The following POT1 variants were observed in gnomAD, a reference collection of about 807,000 sequenced individuals.
POT1 encodes protection of telomeres protein 1.
A neutral mutation model predicts 78.5 loss-of-function variants in POT1; 47 were observed. The observed-to-expected ratio is 0.60, with a 90% CI of 0.47 to 0.76. POT1 has a LOEUF of 0.76. POT1 is among the 30% of genes least tolerant of loss of function. POT1 has a pLI of 0.00. For synonymous variants in POT1, 259 were observed against 260.7 expected (o/e 0.99, Z 0.06); for missense variants, 646 against 749.9 (o/e 0.86, Z 1.62).
intron 7 of POT1, among the ~76,000 whole-genome samples, chr7:124,870,638 G>A (rs962792803): frequency 6.6e-6 from 1 of 152,036 alleles, no homozygotes; most frequent in Non-Finnish European, 1.5e-5. Context: ...TATAGCATTA[G>A]TCTGTATTTA....
At chr7:124,858,765 GCT>G in intron 9 of POT1, 190 bp downstream of exon 9, 1 of 386,964 alleles carries the variant, frequency 2.6e-6, no homozygotes. Flanking sequence ...TTTAAAAATT[GCT>G]CTAACCCATT....
chr7:124,823,649 T>G lies in POT1; in HGVS notation c.*313A>C, dbSNP rs929687901. On this transcript the variant is annotated 3_prime_UTR_variant, in exon 19 of 19. Transcript: ENST00000357628. ...TGAATTTATCCTAAAATCATCAGTA[T>G]CAGCACCCCAACAAAGCAACTTTGC... 1.2e-5 allele frequency: 3 copies of G among 245,686 alleles called. No homozygotes were observed. The highest frequency in any genetic ancestry group is 2.3e-5 in the Non-Finnish European group (3 of 129,774). 15.2% of individuals were successfully genotyped at this position (245,686 alleles called of 1,614,324 possible).
At chr7:124,863,225 G>C in intron 8 of POT1, 125 bp downstream of exon 8, 2 of 928,122 alleles carry the variant, frequency 2.2e-6, no homozygotes, top group East Asian at 2.6e-5. Flanking sequence ...GTCAAAAATA[G>C]TTAAAATTTA....
chr7:124,887,556 T>C (rs1338228401), intron 6 of POT1, among the ~76,000 whole-genome samples: 1 of 152,108 alleles, frequency 6.6e-6, no homozygotes, highest in African/African-American at 2.4e-5. Flanking sequence ...AATGGTTTTG[T>C]AATATGAAGT....
chr7:124,867,883 C>A (rs1795770197), intron 7 of POT1, among the ~76,000 whole-genome samples: 1 of 151,946 alleles, frequency 6.6e-6, no homozygotes, highest in African/African-American at 2.4e-5. Context: ...CCTGACCTTG[C>A]AATCTTCCCA....
At chr7:124,846,069 G>A (rs1474992473) in intron 12 of POT1, among the ~76,000 whole-genome samples, 1 of 151,990 alleles carries the variant, frequency 6.6e-6, no homozygotes, top group Non-Finnish European at 1.5e-5. Flanking sequence ...CAAGATCTGA[G>A]CACCAGGTGT....
In POT1 at chr7:124,868,037, C is replaced by CAATA. The variant is rs573113128; in HGVS notation, c.255+2870_255+2873dup. Among the ~76,000 whole-genome samples the CAATA allele has an allele frequency of 6.7e-4, 102 of 152,038 alleles. 1 individual carries two copies. Among genetic ancestry groups the CAATA allele is most frequent in the South Asian group, 2.1e-3 (10 of 4,812 alleles). ...CTTTGCATTAAAACAGATGCCTATA[C>CAATA]AATAAATAAATAAATAAATATTTGC... On this transcript the variant is annotated intron_variant, in intron 7 of 18. Transcript: ENST00000357628.
intron 15 of POT1, among the ~76,000 whole-genome samples, chr7:124,833,791 T>C (rs189684825): frequency 2.0e-4 from 30 of 152,340 alleles, no homozygotes; most frequent in South Asian, 1.0e-3. Context: ...ACTCTCACTA[T>C]ATATGCTTAT....
chr7:124,884,710 G>A (rs1796202532), intron 6 of POT1, among the ~76,000 whole-genome samples: 1 of 152,128 alleles, frequency 6.6e-6, no homozygotes, highest in Non-Finnish European at 1.5e-5. Context: ...CAAATATTAG[G>A]AGATTAAGCA....
At chr7:124,879,913 T>C (rs1034693938) in intron 6 of POT1, among the ~76,000 whole-genome samples, 4 of 152,160 alleles carry the variant, frequency 2.6e-5, no homozygotes, top group South Asian at 2.1e-4. Flanking sequence ...ATTTATGTTA[T>C]GTGACATCCA....
chr7:124,914,526 C>T (rs990326761), intron 3 of POT1, among the ~76,000 whole-genome samples: 10 of 152,124 alleles, frequency 6.6e-5, no homozygotes, highest in Non-Finnish European at 1.3e-4. Flanking sequence ...AGAATAAAAG[C>T]CCTTCTTCTG....
intron 6 of POT1, among the ~76,000 whole-genome samples, chr7:124,877,257 T>G (rs1796009934): frequency 6.6e-6 from 1 of 152,152 alleles, no homozygotes; most frequent in South Asian, 2.1e-4. Context: ...AAGGAATAAT[T>G]TCGATACTTC....
chr7:124,842,857 G>A lies in POT1; in HGVS notation c.1113C>T (p.Pro371=), dbSNP rs1226390067. 3 of 1,608,816 alleles carry A rather than the reference G, an allele frequency of 1.9e-6. No homozygotes were observed. The highest frequency in any genetic ancestry group is 2.7e-5 in the African/African-American group (2 of 74,586). ...GTTTAACAGACTGAAATAGTCTTCTGGGCTTATATGACCTCAATTTTGCTC... is the reference window on the plus strand; with the variant it reads ...GTTTAACAGACTGAAATAGTCTTCTAGGCTTATATGACCTCAATTTTGCTC... ...RIRAKLRSYK[P]RRLFQSVKLH... is the part of the protein sequence containing the mutation. The change falls in exon 13 of 19, where the codon CCC becomes CCT. Residue 371 remains proline, a synonymous_variant. Transcript: ENST00000357628.
chr7:124,884,261 T>C (rs576172791), intron 6 of POT1, among the ~76,000 whole-genome samples: 5 of 151,950 alleles, frequency 3.3e-5, no homozygotes, highest in Non-Finnish European at 5.9e-5. Context: ...TAGGGCCCCA[T>C]ATCCTAGCAT....
At chr7:124,893,758 T>C (rs1373104460) in intron 5 of POT1, among the ~76,000 whole-genome samples, 1 of 151,562 alleles carries the variant, frequency 6.6e-6, no homozygotes, top group East Asian at 1.9e-4. Flanking sequence ...TCCCCTTTCA[T>C]CCAACTAATG....
At chr7:124,844,301 GT>G (rs1795106673) in intron 12 of POT1, among the ~76,000 whole-genome samples, 1 of 150,992 alleles carries the variant, frequency 6.6e-6, no homozygotes, top group South Asian at 2.1e-4. Flanking sequence ...GCTAATTTTT[GT>G]ACTTCTAGTA....
chr7:124,902,691 T>C (rs1021766920), intron 3 of POT1, among the ~76,000 whole-genome samples: 4 of 152,192 alleles, frequency 2.6e-5, no homozygotes, highest in Admixed American at 2.6e-4. Context: ...ACCTTAAATG[T>C]AAATGGGCTA....
At chr7:124,826,899 CA>C (rs1282926541) in intron 17 of POT1, among the ~76,000 whole-genome samples, 2 of 145,694 alleles carry the variant, frequency 1.4e-5, no homozygotes, top group East Asian at 2.1e-4. Context: ...AACAAACAAA[CA>C]AAAGTACGAT....
intron 18 of POT1, 104 bp downstream of exon 18, chr7:124,825,148 T>C (rs1794598674): frequency 1.6e-6 from 1 of 629,326 alleles, no homozygotes; most frequent in Non-Finnish European, 2.6e-6. Flanking sequence ...TAGTAAATCA[T>C]TTGGAAGCAA....
Sources: gnomAD v4.1 joint callset for allele counts (sites outside exome capture counted in the v4.1 genomes callset) on GRCh38, gnomAD v4.1.1 for gene constraint, MANE v1.5 for transcripts, NCBI Gene and HGNC (gene_info 2026-07-23, HGNC 2026-07-21) for gene names.